The following KAZN variants were observed in gnomAD, a reference collection of about 807,000 sequenced individuals.
The protein encoded by KAZN is kazrin.
In KAZN, 40 loss-of-function variants were observed where a neutral mutation model predicts 87.4. The ratio of observed to expected loss-of-function variants is 0.46; its 90% CI spans 0.36 to 0.60. The LOEUF (loss-of-function observed/expected upper bound fraction) is 0.60, where lower values mean the gene tolerates loss of function less well. KAZN is among the 20% of genes least tolerant of loss of function. KAZN has a pLI of 0.00. For synonymous variants in KAZN, 466 were observed against 458.3 expected, an observed-to-expected ratio of 1.02 and a Z score of -0.22; for missense variants, 898 against 1,073.9, an observed-to-expected ratio of 0.84 and a Z score of 2.29.
intron 2 of KAZN, among the ~76,000 whole-genome samples, chr1:14,427,659 T>C (rs1259206007): frequency 6.6e-6 from 1 of 152,132 alleles, no homozygotes; most frequent in African/African-American, 2.4e-5. Flanking sequence ...AAATACCAAG[T>C]ATAATCCATA....
chr1:15,097,715 G>C (rs1020983716), intron 10 of KAZN, among the ~76,000 whole-genome samples: 1 of 152,170 alleles, frequency 6.6e-6, no homozygotes, highest in African/African-American at 2.4e-5. Context: ...CTACTCAGGA[G>C]GCTGAGGCAG....
At chr1:14,692,047 TA>T (rs34394371) in intron 1 of KAZN, 115,817 of 223,898 alleles carry the variant, frequency 0.52, 29,028 homozygotes, top group South Asian at 0.63. Flanking sequence ...ACAGTAGTGG[TA>T]AAAAAAAAAA....
At chr1:14,290,743 T>A (rs1653620800) in intron 2 of KAZN, among the ~76,000 whole-genome samples, 1 of 152,226 alleles carries the variant, frequency 6.6e-6, no homozygotes, top group African/African-American at 2.4e-5. Context: ...TGAGATTCTT[T>A]GGAGGAGAAG....
At chr1:14,926,944 G>A (rs768030349) in intron 1 of KAZN, among the ~76,000 whole-genome samples, 3 of 152,132 alleles carry the variant, frequency 2.0e-5, no homozygotes, top group Admixed American at 6.5e-5. Flanking sequence ...ATGGAGGCCC[G>A]AACACCTTGA....
intron 13 of KAZN, chr1:15,112,125 G>A (rs1641650386): frequency 2.3e-6 from 1 of 436,328 alleles, no homozygotes; most frequent in East Asian, 4.4e-5. Context: ...TCAGAAGCCT[G>A]AGTTCAGATC....
chr1:14,025,654 G>A (rs777143257), intron 1 of KAZN, among the ~76,000 whole-genome samples: 1 of 152,160 alleles, frequency 6.6e-6, no homozygotes, highest in Non-Finnish European at 1.5e-5. Context: ...ACACTTCAGT[G>A]CAGTAGCCAC....
At chr1:14,103,280 T>C (rs534036831) in intron 1 of KAZN, among the ~76,000 whole-genome samples, 50 of 152,288 alleles carry the variant, frequency 3.3e-4, no homozygotes, top group African/African-American at 1.1e-3. Context: ...TGACATCTTA[T>C]ACATCTATCT....
At chr1:14,338,560 A>G (rs1171775030) in intron 2 of KAZN, among the ~76,000 whole-genome samples, 1 of 151,808 alleles carries the variant, frequency 6.6e-6, no homozygotes, top group Non-Finnish European at 1.5e-5. Context: ...AAAGCCTGCT[A>G]TGCATTTTCT....
At chr1:14,462,387 C>T (rs1264259781) in intron 2 of KAZN, among the ~76,000 whole-genome samples, 1 of 152,104 alleles carries the variant, frequency 6.6e-6, no homozygotes, top group Non-Finnish European at 1.5e-5. Flanking sequence ...TCACCAACTG[C>T]TGTTCCACTT....
chr1:14,710,256 T>C lies in KAZN; in HGVS notation c.226+111033T>C, dbSNP rs117309266. Among the ~76,000 whole-genome samples the C allele has an allele frequency of 1.5e-3, 236 of 152,290 alleles. 8 individuals are homozygous for C. The East Asian group carries it at 0.039, about 25-fold the overall frequency. On this transcript the variant is annotated intron_variant, in intron 1 of 14. Coordinates refer to ENST00000376030, the MANE Select transcript of KAZN (RefSeq NM_201628.3). ...CCCAACTCCATTGCTACTTCCCTTC[T>C]TCCAGCCACCATCAACCCTCTCCTG... is the stretch of plus-strand genomic sequence containing the variant.
chr1:14,672,695 G>A (rs555240322), intron 1 of KAZN, among the ~76,000 whole-genome samples: 4 of 152,298 alleles, frequency 2.6e-5, no homozygotes, highest in African/African-American at 9.6e-5. Context: ...AACCAGGTTC[G>A]GAGCAGCTAC....
At chr1:14,752,932 G>A (rs1017392548) in intron 1 of KAZN, among the ~76,000 whole-genome samples, 4 of 152,220 alleles carry the variant, frequency 2.6e-5, no homozygotes, top group Non-Finnish European at 5.9e-5. Context: ...GGACCACTCA[G>A]AGGTAACCAG....
chr1:14,797,894 G>C (rs775157471), intron 1 of KAZN, among the ~76,000 whole-genome samples: 8 of 152,194 alleles, frequency 5.3e-5, no homozygotes, highest in Non-Finnish European at 1.0e-4. Context: ...AAAGATGCCA[G>C]CTCTCATTTA....
intron 2 of KAZN, among the ~76,000 whole-genome samples, chr1:14,581,738 T>C (rs990973378): frequency 1.3e-5 from 2 of 152,184 alleles, no homozygotes; most frequent in Admixed American, 6.5e-5. Flanking sequence ...CTCAGACAAG[T>C]CAGGGCCTCT....
chr1:14,572,683 G>C (rs1211562614), intron 2 of KAZN, among the ~76,000 whole-genome samples: 3 of 152,172 alleles, frequency 2.0e-5, no homozygotes, highest in Non-Finnish European at 4.4e-5. Flanking sequence ...AGAGCATGTA[G>C]GGGCCTTTAA....
At chr1:13,985,885 T>C (rs1638991855) in intron 1 of KAZN, among the ~76,000 whole-genome samples, 1 of 152,234 alleles carries the variant, frequency 6.6e-6, no homozygotes, top group African/African-American at 2.4e-5. Flanking sequence ...CCAGATAATA[T>C]TCCATTATAC....
chr1:14,311,279 G>A (rs1380158487), intron 2 of KAZN, among the ~76,000 whole-genome samples: 1 of 148,698 alleles, frequency 6.7e-6, no homozygotes, highest in African/African-American at 2.4e-5. Flanking sequence ...TATTGAACCT[G>A]ACCTCTTTAT....
intron 1 of KAZN, among the ~76,000 whole-genome samples, chr1:14,645,283 G>C (rs966149475): frequency 6.6e-6 from 1 of 152,018 alleles, no homozygotes; most frequent in African/African-American, 2.4e-5. Flanking sequence ...TGGCTATTTG[G>C]GTTCTTTTTT....
Position 14,773,810 on chromosome 1 carries a change from C to T in KAZN, c.226+174587C>T, listed in dbSNP as rs368957224. 4.6e-5 allele frequency among the ~76,000 whole-genome samples: 7 copies of T among 152,176 alleles called. No homozygotes were observed. In the East Asian group the frequency reaches 9.7e-4, roughly 21 times the overall value. On this transcript the variant is annotated intron_variant, in intron 1 of 14. Transcript: ENST00000376030. The surrounding 1 kb of genome is among the most constrained non-coding windows in gnomAD (Gnocchi z 5.9). ...CCTGGGAGCTGCGGCAGGTCCCAGC[C>T]CAGGCCAGGCCTGCTCTCCTCCCCT... is the stretch of plus-strand genomic sequence containing the variant.
Sources: gnomAD v4.1 joint callset for allele counts (sites outside exome capture counted in the v4.1 genomes callset) on GRCh38, gnomAD v4.1.1 for gene constraint, Gnocchi (gnomAD v3.1) non-coding constraint, MANE v1.5 for transcripts, NCBI Gene and HGNC (gene_info 2026-07-23, HGNC 2026-07-21) for gene names.